The following CELF2 variants were observed in gnomAD, a reference collection of about 807,000 sequenced individuals.
CELF2 encodes CUGBP Elav-like family member 2, also known as CUG triplet repeat RNA-binding protein 2.
In CELF2, 8 loss-of-function variants were observed where a neutral mutation model predicts 62.6. The ratio of observed to expected loss-of-function variants is 0.13; its 90% CI spans 0.07 to 0.23. The LOEUF (loss-of-function observed/expected upper bound fraction) is 0.23. CELF2 is among the 10% of genes least tolerant of loss of function. The pLI is 1.00. For synonymous variants in CELF2, 258 were observed against 250.0 expected (o/e 1.03, Z -0.30); for missense variants, 333 against 671.0 (o/e 0.50, Z 5.56).
chr10:10,799,794 T>C (rs1234560872), intron 1 of CELF2, among the ~76,000 whole-genome samples: 3 of 151,922 alleles, frequency 2.0e-5, no homozygotes, highest in African/African-American at 7.3e-5. Context: ...CTTGGCAGAG[T>C]TAATTCTTGG....
At chr10:10,999,892 G>A (rs986466412) in intron 2 of CELF2, among the ~76,000 whole-genome samples, 6 of 152,238 alleles carry the variant, frequency 3.9e-5, no homozygotes, top group Middle Eastern at 3.2e-3. Flanking sequence ...GTCGAGTAAC[G>A]TAGTTTCTCT....
At chr10:10,545,826 G>A in the CELF2 span, among the ~76,000 whole-genome samples, 1 of 152,196 alleles carries the variant, frequency 6.6e-6, no homozygotes, top group Non-Finnish European at 1.5e-5. Context: ...ATATTTTGCA[G>A]TGAACTGAAA....
chr10:10,884,705 C>G (rs2061645285), intron 1 of CELF2, among the ~76,000 whole-genome samples: 1 of 152,240 alleles, frequency 6.6e-6, no homozygotes, highest in African/African-American at 2.4e-5. Context: ...TACATGACCA[C>G]AACTCCTTAC....
At chr10:10,567,667 C>A in the CELF2 span, among the ~76,000 whole-genome samples, 2 of 152,118 alleles carry the variant, frequency 1.3e-5, no homozygotes, top group African/African-American at 4.8e-5. Flanking sequence ...GGCGTCGATG[C>A]CTGAATCTTG....
At chr10:11,277,853 G>A (rs1004790167) in intron 8 of CELF2, among the ~76,000 whole-genome samples, 2 of 152,178 alleles carry the variant, frequency 1.3e-5, no homozygotes, top group African/African-American at 4.8e-5. Flanking sequence ...GTCCTACGTA[G>A]AGGGGGCACA....
At chr10:11,081,481 G>C (rs1180627033) in intron 1 of CELF2, among the ~76,000 whole-genome samples, 1 of 151,692 alleles carries the variant, frequency 6.6e-6, no homozygotes, top group East Asian at 1.9e-4. Flanking sequence ...GTTCCCAATA[G>C]AACATTTTTC....
At chr10:10,566,948 C>G in the CELF2 span, among the ~76,000 whole-genome samples, 1 of 152,052 alleles carries the variant, frequency 6.6e-6, no homozygotes, top group African/African-American at 2.4e-5. Context: ...ACATGCATGG[C>G]ATTTGGCTTT....
At chr10:10,689,717 G>A in the CELF2 span, among the ~76,000 whole-genome samples, 1 of 152,054 alleles carries the variant, frequency 6.6e-6, no homozygotes, top group Admixed American at 6.6e-5. Context: ...AAATAACCGA[G>A]AGTGTACACC....
In CELF2 at chr10:11,248,843, A is replaced by G. The variant is rs1318259434; in HGVS notation, c.355-310A>G. 3.3e-5 allele frequency among the ~76,000 whole-genome samples: 5 copies of G among 152,192 alleles called. No individual in the cohort carries two copies. In the East Asian group the frequency reaches 9.6e-4, roughly 29 times the overall value. On this transcript the variant is annotated intron_variant, in intron 3 of 12. Transcript: ENST00000633077. Reference sequence around the variant, plus strand: ...TTGCATGGCTGTAATAAATGGCAGGAGCAGAATTGCCTGTAACATAGAGGC... The same window carrying G: ...TTGCATGGCTGTAATAAATGGCAGGGGCAGAATTGCCTGTAACATAGAGGC...
At position 11,290,525 on chromosome 10, in the gene CELF2, A is replaced by T. The variant is rs1308264051; in HGVS notation, c.976+1973A>T. On this transcript the variant is annotated intron_variant, in intron 9 of 12. Transcript: ENST00000633077. This position sits in a 1 kb window ranked among gnomAD's most constrained non-coding sequence, Gnocchi z 4.3. Reference sequence around the variant, plus strand: ...CTGGGCGACGAGCGAGACTCCGTCTAAAAAAAAAAAAAAAATGTGGGCCAC... The same window carrying T: ...CTGGGCGACGAGCGAGACTCCGTCTTAAAAAAAAAAAAAAATGTGGGCCAC... Among the ~76,000 whole-genome samples, 3 of 49,294 alleles carry T rather than the reference A, an allele frequency of 6.1e-5. No homozygotes were observed. The highest frequency in any genetic ancestry group is 1.3e-3 in the South Asian group (1 of 796). The allele number at this position is 49,294 out of a possible 152,430, so 32.3% of individuals were successfully genotyped here. A position where few individuals can be genotyped will look rare whatever the true frequency, so the allele number is the denominator to read the frequency against.
chr10:10,644,603 T>C, the CELF2 span, among the ~76,000 whole-genome samples: 107 of 152,284 alleles, frequency 7.0e-4, no homozygotes, highest in Non-Finnish European at 1.2e-3. Context: ...TCCATGATTT[T>C]GTCTGAGGCA....
At chr10:11,144,102 C>T (rs1468686110) in intron 1 of CELF2, among the ~76,000 whole-genome samples, 1 of 152,026 alleles carries the variant, frequency 6.6e-6, no homozygotes, top group Non-Finnish European at 1.5e-5. Flanking sequence ...TGGACATTAT[C>T]TAGTGAAAAT....
chr10:11,170,481 A>AG (rs1052320585), intron 2 of CELF2, among the ~76,000 whole-genome samples: 1 of 152,200 alleles, frequency 6.6e-6, no homozygotes, highest in African/African-American at 2.4e-5. Context: ...GTCCATCTGG[A>AG]GTGGGCCCTG....
the CELF2 span, among the ~76,000 whole-genome samples, chr10:10,730,656 G>A: frequency 3.9e-5 from 6 of 152,196 alleles, no homozygotes; most frequent in African/African-American, 1.4e-4. Flanking sequence ...CATGCATCCT[G>A]TTCAGAAACT....
At chr10:10,626,817 T>C in the CELF2 span, among the ~76,000 whole-genome samples, 1 of 152,244 alleles carries the variant, frequency 6.6e-6, no homozygotes, top group African/African-American at 2.4e-5. Context: ...GTGTTTACAA[T>C]AGAATTTTAA....
At chr10:10,904,982 T>C (rs986926996) in intron 1 of CELF2, among the ~76,000 whole-genome samples, 1 of 152,228 alleles carries the variant, frequency 6.6e-6, no homozygotes, top group Admixed American at 6.5e-5. Flanking sequence ...CCTGTTTGGA[T>C]GTCTCTTGAT....
chr10:11,075,696 G>A lies in CELF2; in HGVS notation c.74+57533G>A, dbSNP rs1273005093. 1.3e-5 allele frequency among the ~76,000 whole-genome samples: 2 copies of A among 152,062 alleles called. No homozygotes were observed. The highest frequency in any genetic ancestry group is 2.9e-5 in the Non-Finnish European group (2 of 68,028). ...ATAAAGTGTTTGCAGCCAAGCAGGT[G>A]ACATTGAGAATGAAATGGGGGTGAG... On this transcript the variant is annotated intron_variant, in intron 1 of 12. Coordinates refer to ENST00000633077, the MANE Select transcript of CELF2 (RefSeq NM_001326342.2). The surrounding 1 kb of genome is among the most constrained non-coding windows in gnomAD (Gnocchi z 5.4).
rs951494113 is a variant in CELF2, at chr10:11,022,797, G to T, written c.74+4634G>T. Among the ~76,000 whole-genome samples, 7 of 152,126 alleles carry T rather than the reference G, an allele frequency of 4.6e-5. No individual in the cohort carries two copies. The South Asian group carries it at 1.2e-3, about 27-fold the overall frequency. On this transcript the variant is annotated intron_variant, in intron 1 of 12. Coordinates refer to ENST00000633077, the MANE Select transcript of CELF2 (RefSeq NM_001326342.2). Reference sequence around the variant, plus strand: ...CTCTTGGGCAAAAAATCAGGGTAGCGATCATTGTTGAGACTTATATGTAGA... The same window carrying T: ...CTCTTGGGCAAAAAATCAGGGTAGCTATCATTGTTGAGACTTATATGTAGA...
intron 1 of CELF2, among the ~76,000 whole-genome samples, chr10:10,835,239 G>A (rs548908691): frequency 2.6e-5 from 4 of 152,072 alleles, no homozygotes; most frequent in East Asian, 3.9e-4. Flanking sequence ...TGCAGCCTCC[G>A]TGCTCGGCTA....
Sources: allele counts gnomAD v4.1 joint callset (sites outside exome capture counted in the v4.1 genomes callset), GRCh38; gene constraint gnomAD v4.1.1; non-coding constraint Gnocchi (gnomAD v3.1); transcripts MANE v1.5; gene names NCBI Gene and HGNC (gene_info 2026-07-23, HGNC 2026-07-21).